KIF13B: variants seen among roughly 807,000 people sequenced by gnomAD.
KIF13B encodes kinesin-like protein KIF13B.
In KIF13B, 127 loss-of-function variants were observed where a neutral mutation model predicts 222.0. The ratio of observed to expected loss-of-function variants is 0.57; its 90% CI spans 0.50 to 0.66. The LOEUF is 0.66. KIF13B is among the 30% of genes least tolerant of loss of function. The probability of loss-of-function intolerance (pLI) is 0.00; values close to 1 mark genes in which losing one functional copy is unlikely to be tolerated. For synonymous variants in KIF13B, 976 were observed against 919.0 expected (o/e 1.06, Z -1.12); for missense variants, 2,173 against 2,379.0 (o/e 0.91, Z 1.80).
At chr8:29,104,431 T>A (rs1321829598) in intron 35 of KIF13B, among the ~76,000 whole-genome samples, 1 of 152,052 alleles carries the variant, frequency 6.6e-6, no homozygotes, top group African/African-American at 2.4e-5. Context: ...TCTGGCTATT[T>A]CTCCCCTAAC....
At chr8:29,242,691 C>T (rs1437483946) in intron 2 of KIF13B, among the ~76,000 whole-genome samples, 5 of 152,160 alleles carry the variant, frequency 3.3e-5, no homozygotes, top group Admixed American at 6.5e-5. Context: ...GAGAGTGCTC[C>T]GAGCAGTGGT....
Position 29,123,358 on chromosome 8 carries a change from G to T in KIF13B, c.3479+8C>A, listed in dbSNP as rs746706166. 2 of 1,613,578 alleles carry T rather than the reference G, an allele frequency of 1.2e-6. No homozygotes were observed. Among genetic ancestry groups the T allele is most frequent in the South Asian group, 1.1e-5 (1 of 91,080 alleles). ...CAGACCTCACAAGACGCACCACAGG[G>T]TTCATACCATTCTGCTGGGGCCCCT... is the stretch of plus-strand genomic sequence containing the variant. On this transcript the variant is annotated splice_region_variant and intron_variant, in intron 28 of 39. Coordinates refer to ENST00000524189, the MANE Select transcript of KIF13B (RefSeq NM_015254.4).
chr8:29,072,084 C>G lies in KIF13B; in HGVS notation c.4754G>C (p.Gly1585Ala). 7.4e-7 allele frequency: 1 copy of G among 1,342,450 alleles called. No individual in the cohort carries two copies. Among genetic ancestry groups the G allele is most frequent in the Non-Finnish European group, 9.6e-7 (1 of 1,045,016 alleles). The allele number at this position is 1,342,450 out of a possible 1,614,324, so 83.2% of individuals were successfully genotyped here. A position where few individuals can be genotyped will look rare whatever the true frequency, so the allele number is the denominator to read the frequency against. ...CCCCGGCGGGGCCGCAGCGTCCAGG[C>G]CGGGGCCCAGGGCGTCCGACAGGGT... ...TATLSDALGPGLDAAAPPGSM... is the reference protein window; with the variant it reads ...TATLSDALGPALDAAAPPGSM... The change falls in exon 39 of 40, where the codon GGC becomes GCC. Residue 1585 changes from glycine to alanine, a missense_variant. Gly to Ala is a moderately conservative substitution (Grantham distance 60, BLOSUM62 0). Coordinates refer to ENST00000524189, the MANE Select transcript of KIF13B (RefSeq NM_015254.4).
At chr8:29,073,150 GAC>G (rs1807390621) in intron 38 of KIF13B, among the ~76,000 whole-genome samples, 1 of 108,186 alleles carries the variant, frequency 9.2e-6, no homozygotes, top group Non-Finnish European at 1.9e-5. Context: ...CGAGGAGGGG[GAC>G]GAGGAGGGGG....
chr8:29,165,673 C>G lies in KIF13B; in HGVS notation c.1258G>C (p.Glu420Gln). The G allele has an allele frequency of 1.2e-6, 2 of 1,608,296 alleles. No homozygotes were observed. The highest frequency in any genetic ancestry group is 1.7e-6 in the Non-Finnish European group (2 of 1,174,688). The change falls in exon 12 of 40, where the codon GAG (glutamate) becomes CAG (glutamine). Residue 420 changes from glutamate to glutamine, a missense_variant. This residue lies in a region of KIF13B where 1,480 missense variants were observed against 1,722.8 expected (regional missense o/e 0.86). Transcript: ENST00000524189. ...CAGGAAACACGAACCTGTGCAATCT[C>G]CTCCGTTTTCCTTAATTTCTCCTCC... Reference protein sequence around the residue: ...TWEEKLRKTEEIAQERQKQLE... With the variant: ...TWEEKLRKTEQIAQERQKQLE...
At chr8:29,117,700 T>C (rs78356087) in intron 30 of KIF13B, among the ~76,000 whole-genome samples, 81 of 152,312 alleles carry the variant, frequency 5.3e-4, no homozygotes, top group African/African-American at 1.9e-3. Context: ...TAAGTAATAA[T>C]GTGTCCTCAA....
chr8:29,102,590 C>A (rs1808844696), intron 35 of KIF13B, among the ~76,000 whole-genome samples: 1 of 152,246 alleles, frequency 6.6e-6, no homozygotes, highest in African/African-American at 2.4e-5. Flanking sequence ...CACTCCTGCT[C>A]CTCTGCCAGA....
chr8:29,193,981 CT>C (rs59285182), intron 3 of KIF13B, among the ~76,000 whole-genome samples: 357 of 134,006 alleles, frequency 2.7e-3, no homozygotes, highest in Non-Finnish European at 4.0e-3. Flanking sequence ...CCACGCCTGG[CT>C]TTTTTTTTTT....
intron 35 of KIF13B, among the ~76,000 whole-genome samples, chr8:29,105,650 G>GC (rs1809023269): frequency 2.6e-5 from 2 of 78,058 alleles, no homozygotes; most frequent in African/African-American, 1.1e-4. Flanking sequence ...AGTTTGTTTG[G>GC]TTTTTTTTTT....
intron 5 of KIF13B, 130 bp downstream of exon 5, chr8:29,188,385 A>C (rs1380110053): frequency 1.8e-6 from 1 of 561,424 alleles, no homozygotes; most frequent in African/African-American, 1.9e-5. Context: ...GACTACTTTC[A>C]ACATCTACAG....
At chr8:29,106,930 C>G (rs1169786696) in intron 35 of KIF13B, among the ~76,000 whole-genome samples, 1 of 152,184 alleles carries the variant, frequency 6.6e-6, no homozygotes, top group East Asian at 1.9e-4. Context: ...ATGGGGCATG[C>G]TGCACACAGA....
At chr8:29,102,507 G>A (rs1808839610) in intron 35 of KIF13B, among the ~76,000 whole-genome samples, 1 of 152,358 alleles carries the variant, frequency 6.6e-6, no homozygotes, top group Non-Finnish European at 1.5e-5. Context: ...CAGGGGCAAA[G>A]TGGACAAAGT....
intron 37 of KIF13B, among the ~76,000 whole-genome samples, chr8:29,092,258 TG>T (rs1475432797): frequency 6.6e-6 from 1 of 152,216 alleles, no homozygotes; most frequent in Non-Finnish European, 1.5e-5. Context: ...ACCCTAGAGC[TG>T]GGTAAAGAGT....
intron 35 of KIF13B, among the ~76,000 whole-genome samples, chr8:29,100,179 G>A (rs1010104721): frequency 6.6e-6 from 1 of 152,136 alleles, no homozygotes; most frequent in Non-Finnish European, 1.5e-5. Context: ...TCCCATTAAA[G>A]ACATTTCATC....
chr8:29,073,953 C>A (rs140765035), intron 38 of KIF13B, among the ~76,000 whole-genome samples: 158 of 152,354 alleles, frequency 1.0e-3, no homozygotes, highest in African/African-American at 3.7e-3. Flanking sequence ...ATCCTTCAAT[C>A]ATTCTTCCTT....
At chr8:29,223,817 G>A (rs1009723895) in intron 2 of KIF13B, among the ~76,000 whole-genome samples, 14 of 151,792 alleles carry the variant, frequency 9.2e-5, no homozygotes, top group Non-Finnish European at 1.6e-4. Flanking sequence ...TCAGCCTTCC[G>A]AGTAGCTGGG....
intron 10 of KIF13B, among the ~76,000 whole-genome samples, chr8:29,169,627 G>A (rs1405844584): frequency 2.0e-5 from 3 of 152,160 alleles, no homozygotes; most frequent in Admixed American, 1.3e-4. Context: ...TTTAATGTAT[G>A]ACATGGGAAG....
chr8:29,137,878 G>A (rs964451350), intron 21 of KIF13B, among the ~76,000 whole-genome samples: 1 of 152,166 alleles, frequency 6.6e-6, no homozygotes, highest in Non-Finnish European at 1.5e-5. Flanking sequence ...CAGGACTCAA[G>A]GGCCAACTGA....
intron 2 of KIF13B, among the ~76,000 whole-genome samples, chr8:29,210,827 T>C (rs1252913035): frequency 6.6e-6 from 1 of 152,154 alleles, no homozygotes. Flanking sequence ...AGAACACAAA[T>C]GGGTTAGAGG....
Sources: gnomAD v4.1 joint callset for allele counts (sites outside exome capture counted in the v4.1 genomes callset) on GRCh38, gnomAD v4.1.1 for gene constraint, gnomAD v4.1.1 regional missense constraint, MANE v1.5 for transcripts, NCBI Gene and HGNC (gene_info 2026-07-23, HGNC 2026-07-21) for gene names.